The following PPP6R2 variants were observed in gnomAD, a reference collection of about 807,000 sequenced individuals.
The protein encoded by PPP6R2 is protein phosphatase 6 regulatory subunit 2.
PPP6R2 carries 62 observed loss-of-function variants against 100.2 expected under a neutral mutation model. The ratio of observed to expected loss-of-function variants is 0.62; its 90% CI spans 0.50 to 0.76. The LOEUF (loss-of-function observed/expected upper bound fraction) is 0.76, where lower values mean the gene tolerates loss of function less well. Among genes scored for constraint, PPP6R2 ranks in the 30% least tolerant of loss-of-function variants. The probability of loss-of-function intolerance (pLI) is 0.00; values close to 1 mark genes in which losing one functional copy is unlikely to be tolerated. For missense variants in PPP6R2, 1,142 were observed against 1,276.3 expected (o/e 0.89, Z 1.60); for synonymous variants, 525 against 514.7 (o/e 1.02, Z -0.27).
chr22:50,332,160 G>A, the PPP6R2 span, among the ~76,000 whole-genome samples: 1 of 151,906 alleles, frequency 6.6e-6, no homozygotes, highest in Non-Finnish European at 1.5e-5. Context: ...TATGGTTTTG[G>A]TGTCATATCT....
chr22:50,333,429 C>T, the PPP6R2 span, among the ~76,000 whole-genome samples: 4,738 of 151,848 alleles, frequency 0.031, 269 homozygotes, highest in African/African-American at 0.11. Context: ...CTCCGCCTCC[C>T]GGGTTCACGC....
At chr22:50,394,160 C>T in intron 3 of PPP6R2, 25 bp downstream of exon 3, 1 of 1,609,116 alleles carries the variant, frequency 6.2e-7, no homozygotes, top group Non-Finnish European at 8.5e-7. Context: ...TGTGACGGGC[C>T]AGTACGCCAG....
At chr22:50,399,111 G>C (rs1376795120) in intron 3 of PPP6R2, among the ~76,000 whole-genome samples, 1 of 152,162 alleles carries the variant, frequency 6.6e-6, no homozygotes, top group Non-Finnish European at 1.5e-5. Context: ...GCCAGGCGTG[G>C]TGGCCGGTGC....
chr22:50,409,669 G>A (rs975362412), intron 4 of PPP6R2, among the ~76,000 whole-genome samples: 1 of 151,980 alleles, frequency 6.6e-6, no homozygotes, highest in African/African-American at 2.4e-5. Flanking sequence ...CTCGTGATCC[G>A]CCCACCTTGG....
chr22:50,438,351 A>G lies in PPP6R2; in HGVS notation c.1964+53A>G. ...CCTCTGCCGAGGAGGTTCAGCCCCC[A>G]GAACACCTGTCAGACGCCCTGTGGT... is the stretch of plus-strand genomic sequence containing the variant. On this transcript the variant is annotated intron_variant, in intron 18 of 23. Coordinates refer to ENST00000612753, the MANE Select transcript of PPP6R2 (RefSeq NM_001242898.2). The G allele has an allele frequency of 2.5e-6, 4 of 1,579,112 alleles. No homozygotes were observed. The Admixed American group carries it at 7.2e-5, about 29-fold the overall frequency.
intron 2 of PPP6R2, among the ~76,000 whole-genome samples, chr22:50,387,065 T>C (rs993410585): frequency 6.6e-6 from 1 of 152,150 alleles, no homozygotes; most frequent in Non-Finnish European, 1.5e-5. Context: ...ATTAAAATCA[T>C]TTATTTATTT....
intron 6 of PPP6R2, 79 bp downstream of exon 6, chr22:50,416,236 G>A: frequency 7.7e-7 from 1 of 1,297,176 alleles, no homozygotes; most frequent in South Asian, 1.2e-5. Context: ...GGGCCAGGGG[G>A]CGAGGGAGGG....
intron 15 of PPP6R2, 47 bp from the exon 16 acceptor site, chr22:50,437,459 T>C (rs749307275): frequency 7.3e-7 from 1 of 1,371,832 alleles, no homozygotes; most frequent in Non-Finnish European, 1.0e-6. Context: ...TGATGCCTCC[T>C]CCATGACCGG....
chr22:50,440,736 A>G (rs2065391329), intron 21 of PPP6R2, 86 bp from the exon 22 acceptor site: 1 of 1,462,090 alleles, frequency 6.8e-7, no homozygotes, highest in Non-Finnish European at 9.5e-7. Context: ...TGAGAGGGCC[A>G]CATGTATGGG....
At chr22:50,393,571 G>A (rs1569383430) in intron 2 of PPP6R2, 2 of 980,598 alleles carry the variant, frequency 2.0e-6, no homozygotes, top group African/African-American at 1.7e-5. Flanking sequence ...GAGGGGGTTA[G>A]CCCAGAGGAG....
intron 2 of PPP6R2, among the ~76,000 whole-genome samples, chr22:50,372,665 C>T (rs9616999): frequency 6.6e-6 from 1 of 152,028 alleles, no homozygotes; most frequent in Non-Finnish European, 1.5e-5. Flanking sequence ...GAGCAAGTTG[C>T]TTGGTCTTTC....
the PPP6R2 span, among the ~76,000 whole-genome samples, chr22:50,337,109 AGTGTGT>A: frequency 1.0e-4 from 15 of 147,486 alleles, no homozygotes; most frequent in Non-Finnish European, 1.6e-4. Context: ...TGATGAAGAG[AGTGTGT>A]GTGTGTGTGT....
intron 1 of PPP6R2, among the ~76,000 whole-genome samples, chr22:50,361,847 C>A (rs1054897918): frequency 6.6e-6 from 1 of 152,052 alleles, no homozygotes; most frequent in African/African-American, 2.4e-5. Context: ...CTTTGGTTTC[C>A]TGCAGTTGAT....
upstream of PPP6R2, among the ~76,000 whole-genome samples, chr22:50,339,198 TTG>T (rs2042339823): frequency 7.1e-6 from 1 of 140,968 alleles, no homozygotes; most frequent in African/African-American, 2.7e-5. Flanking sequence ...GTAGTGTGTG[TTG>T]TATGTGGTGT....
chr22:50,382,519 CAA>C (rs147082481), intron 2 of PPP6R2, among the ~76,000 whole-genome samples: 39 of 126,632 alleles, frequency 3.1e-4, no homozygotes, highest in Non-Finnish European at 3.5e-4. Context: ...AATCCGTCTC[CAA>C]AAAAAAAAAA....
intron 2 of PPP6R2, among the ~76,000 whole-genome samples, chr22:50,375,493 A>AGGGTCT (rs2051290931): frequency 6.6e-6 from 1 of 151,794 alleles, no homozygotes; most frequent in Non-Finnish European, 1.5e-5. Context: ...CCTAAAGGAG[A>AGGGTCT]CCCTCCCCAC....
chr22:50,338,993 TATGTGTGGTATGTG>T (rs1290146544), upstream of PPP6R2, among the ~76,000 whole-genome samples: 1,043 of 131,406 alleles, frequency 7.9e-3, 11 homozygotes, highest in African/African-American at 0.031. Flanking sequence ...TGGTATGTAG[TATGTGTGGTATGTG>T]GTGTGTGGTG....
chr22:50,380,648 T>C (rs1054305347), intron 2 of PPP6R2, among the ~76,000 whole-genome samples: 9 of 150,486 alleles, frequency 6.0e-5, no homozygotes, highest in African/African-American at 2.2e-4. Context: ...TGTGAGCCAC[T>C]GTGCCTGGGT....
intron 2 of PPP6R2, among the ~76,000 whole-genome samples, chr22:50,383,452 A>G (rs1261140880): frequency 1.3e-5 from 2 of 152,166 alleles, no homozygotes; most frequent in African/African-American, 4.8e-5. Context: ...AGAATTCTAA[A>G]CCAGAGAATA....
Sources: gnomAD v4.1 joint callset for allele counts (sites outside exome capture counted in the v4.1 genomes callset) on GRCh38, gnomAD v4.1.1 for gene constraint, MANE v1.5 for transcripts, NCBI Gene and HGNC (gene_info 2026-07-23, HGNC 2026-07-21) for gene names.